Variants in GTF2A1L observed in about 807,000 individuals in gnomAD.
GTF2A1L encodes the protein general transcription factor IIA subunit 1 like.
A neutral mutation model predicts 49.7 loss-of-function variants in GTF2A1L; 48 were observed. That is an observed-to-expected ratio of 0.97 (90% CI 0.77 to 1.23). GTF2A1L has a LOEUF of 1.23. GTF2A1L is among the 50% of genes most tolerant of loss of function. The pLI, the probability that GTF2A1L is intolerant of heterozygous loss-of-function variation, is 0.00. For missense variants in GTF2A1L, 736 were observed against 564.8 expected (o/e 1.30, Z -3.07); for synonymous variants, 246 against 193.5 (o/e 1.27, Z -2.25).
At chr2:48,636,770 G>A (rs1524159) in intron 3 of GTF2A1L, among the ~76,000 whole-genome samples, 133,599 of 152,052 alleles carry the variant, frequency 0.88, 59,011 homozygotes, top group East Asian at 1. Context: ...GACAAATGGG[G>A]TTCTATTAAT....
rs142415293 is a variant in GTF2A1L at position 48,654,606 on chromosome 2, C to T, written c.978+7564C>T. Among the ~76,000 whole-genome samples the T allele has an allele frequency of 3.3e-3, 505 of 152,202 alleles. 4 individuals are homozygous for T. The highest frequency in any genetic ancestry group is 0.016 in the South Asian group (77 of 4,820). ...ACCATACTGGTCAGGCTGGCCTTGACCTCCTGACCTCAGGTGATCCCCCTG... is the reference window on the plus strand; with the variant it reads ...ACCATACTGGTCAGGCTGGCCTTGATCTCCTGACCTCAGGTGATCCCCCTG... On this transcript the variant is annotated intron_variant, in intron 6 of 8. Transcript: ENST00000403751.
intron 6 of GTF2A1L, among the ~76,000 whole-genome samples, chr2:48,653,752 G>A (rs1678000646): frequency 6.6e-6 from 1 of 151,976 alleles, no homozygotes; most frequent in Non-Finnish European, 1.5e-5. Context: ...GGCCAACATG[G>A]CAAAACCCCA....
rs1676450958 is a variant in GTF2A1L, at chr2:48,629,228, G to A, written c.247+7938G>A. Among the ~76,000 whole-genome samples, 3 of 141,184 alleles carry A rather than the reference G, an allele frequency of 2.1e-5. No homozygotes were observed. In the South Asian group the frequency reaches 7.4e-4, roughly 35 times the overall value. The allele number at this position is 141,184 out of a possible 152,430, so 92.6% of individuals were successfully genotyped here. ...CGCACTCTAGCCTGGGCAACAGAGCGAGACTCCGTCTCAAAAAAAAAAAAA... is the reference window on the plus strand; with the variant it reads ...CGCACTCTAGCCTGGGCAACAGAGCAAGACTCCGTCTCAAAAAAAAAAAAA... On this transcript the variant is annotated intron_variant, in intron 3 of 8. Coordinates refer to ENST00000403751, the MANE Select transcript of GTF2A1L (RefSeq NM_006872.5).
At chr2:48,633,591 C>T (rs1434570852) in intron 3 of GTF2A1L, among the ~76,000 whole-genome samples, 6 of 152,136 alleles carry the variant, frequency 3.9e-5, no homozygotes, top group Admixed American at 3.9e-4. Context: ...GTTCCATGTG[C>T]AGATGAGAAA....
rs559487694 is a variant in GTF2A1L, at chr2:48,669,776, G to A, written c.1033G>A (p.Glu345Lys). The A allele has an allele frequency of 2.0e-5, 32 of 1,613,922 alleles. No homozygotes were observed. The South Asian group carries it at 3.4e-4, about 17-fold the overall frequency. ...TCGGGTTACTGATGATGATATTGGT[G>A]AAATAATTCAAGTAGATGGAAGCGG... ...SIRVTDDDIGEIIQVDGSGDT... is the reference protein window; with the variant it reads ...SIRVTDDDIGKIIQVDGSGDT... Residue 345 changes from glutamate (E) to lysine (K), a missense_variant, in exon 7 of 9, where the codon GAA becomes AAA. Physicochemically the swap from Glu to Lys is moderately conservative, Grantham distance 56. Coordinates refer to ENST00000403751, the MANE Select transcript of GTF2A1L (RefSeq NM_006872.5).
intron 5 of GTF2A1L, 53 bp downstream of exon 5, chr2:48,645,170 G>T: frequency 1.3e-6 from 2 of 1,505,372 alleles, no homozygotes; most frequent in Non-Finnish European, 1.8e-6. Context: ...ACTATTTTTT[G>T]GACATTAAGC....
At chr2:48,663,923 G>T (rs1036323316) in intron 6 of GTF2A1L, among the ~76,000 whole-genome samples, 3 of 152,282 alleles carry the variant, frequency 2.0e-5, no homozygotes, top group Middle Eastern at 3.4e-3. Context: ...TAAAGGTATT[G>T]TTTTTAAATT....
chr2:48,631,437 A>T (rs1311510528), intron 3 of GTF2A1L, among the ~76,000 whole-genome samples: 2 of 151,760 alleles, frequency 1.3e-5, no homozygotes, highest in Non-Finnish European at 2.9e-5. Context: ...GTATCTGAGG[A>T]TCTTTTGTAT....
chr2:48,631,122 G>A (rs1389684386), intron 3 of GTF2A1L, among the ~76,000 whole-genome samples: 3 of 151,980 alleles, frequency 2.0e-5, no homozygotes, highest in Non-Finnish European at 2.9e-5. Context: ...TAAAGGCGAC[G>A]CTGGCTTCAT....
intron 1 of GTF2A1L, among the ~76,000 whole-genome samples, chr2:48,620,266 G>A (rs1464338239): frequency 6.6e-6 from 1 of 152,162 alleles, no homozygotes; most frequent in Non-Finnish European, 1.5e-5. Context: ...CAATAACCAT[G>A]CATCTTTGAG....
chr2:48,660,837 T>C (rs573774130), intron 6 of GTF2A1L, among the ~76,000 whole-genome samples: 14 of 152,090 alleles, frequency 9.2e-5, no homozygotes, highest in African/African-American at 3.4e-4. Context: ...GTTGGGGTTT[T>C]GCCATGCTGG....
At chr2:48,662,498 T>G (rs899223890) in intron 6 of GTF2A1L, among the ~76,000 whole-genome samples, 2 of 152,136 alleles carry the variant, frequency 1.3e-5, no homozygotes, top group Admixed American at 6.6e-5. Flanking sequence ...TATCTTTCAT[T>G]TTTTAAAGGA....
chr2:48,618,740 TG>T (rs558652830), intron 1 of GTF2A1L, among the ~76,000 whole-genome samples: 58 of 152,364 alleles, frequency 3.8e-4, no homozygotes, highest in African/African-American at 1.3e-3. Flanking sequence ...CCAATTTATC[TG>T]ATTGTGAATT....
At chr2:48,634,912 G>A (rs1013719623) in intron 3 of GTF2A1L, among the ~76,000 whole-genome samples, 1 of 152,190 alleles carries the variant, frequency 6.6e-6, no homozygotes, top group Non-Finnish European at 1.5e-5. Context: ...CCATCTACAG[G>A]TCCCCCAGTG....
intron 1 of GTF2A1L, among the ~76,000 whole-genome samples, chr2:48,619,053 T>G (rs1675825250): frequency 6.6e-6 from 1 of 152,208 alleles, no homozygotes; most frequent in South Asian, 2.1e-4. Context: ...GCACCTAATT[T>G]AGGGGCATTT....
chr2:48,618,050 G>A (rs1675762585), intron 1 of GTF2A1L, 155 bp downstream of exon 1: 3 of 767,600 alleles, frequency 3.9e-6, no homozygotes, highest in Admixed American at 6.4e-5. Flanking sequence ...TCACGTCTGT[G>A]TTGGAGGAAG....
chr2:48,620,470 T>C (rs1481503504), intron 1 of GTF2A1L, among the ~76,000 whole-genome samples: 1 of 152,192 alleles, frequency 6.6e-6, no homozygotes, highest in African/African-American at 2.4e-5. Flanking sequence ...CCAAATATGT[T>C]CTAACTTGAG....
intron 3 of GTF2A1L, among the ~76,000 whole-genome samples, chr2:48,628,321 A>G (rs779650671): frequency 1.4e-5 from 2 of 144,354 alleles, no homozygotes; most frequent in Non-Finnish European, 3.1e-5. Flanking sequence ...ACAGTGGCTG[A>G]ACTAATTTAC....
intron 6 of GTF2A1L, among the ~76,000 whole-genome samples, chr2:48,650,880 T>C (rs1267143288): frequency 6.6e-6 from 1 of 152,186 alleles, no homozygotes; most frequent in Non-Finnish European, 1.5e-5. Context: ...GCCATTACAA[T>C]TATAGACCAC....
Sources: allele counts gnomAD v4.1 joint callset (sites outside exome capture counted in the v4.1 genomes callset), GRCh38; gene constraint gnomAD v4.1.1; transcripts MANE v1.5; gene names NCBI Gene and HGNC (gene_info 2026-07-23, HGNC 2026-07-21).